The following NSG2 variants were observed in gnomAD, a reference collection of about 807,000 sequenced individuals.
NSG2 encodes neuronal vesicle trafficking associated 2.
A neutral mutation model predicts 16.9 loss-of-function variants in NSG2; 4 were observed. The ratio of observed to expected loss-of-function variants is 0.24; its 90% CI spans 0.12 to 0.54. The LOEUF (loss-of-function observed/expected upper bound fraction) is 0.54. NSG2 is among the 20% of genes least tolerant of loss of function. NSG2 has a pLI of 0.95. For synonymous variants in NSG2, 98 were observed against 88.7 expected (o/e 1.11, Z -0.59); for missense variants, 179 against 221.1 (o/e 0.81, Z 1.21).
intron 3 of NSG2, among the ~76,000 whole-genome samples, chr5:174,084,803 C>G (rs932739696): frequency 6.6e-6 from 1 of 152,202 alleles, no homozygotes; most frequent in Admixed American, 6.5e-5. Context: ...GCAGGCAGAT[C>G]GGCTGAGGGA....
At chr5:174,094,982 T>C (rs1760773397) in intron 3 of NSG2, among the ~76,000 whole-genome samples, 1 of 152,174 alleles carries the variant, frequency 6.6e-6, no homozygotes, top group Non-Finnish European at 1.5e-5. Context: ...GGCTGAGTGC[T>C]AAGTGGTAGA....
chr5:174,107,466 C>T lies in NSG2; in HGVS notation c.477C>T (p.Val159=), dbSNP rs747207528. 14 of 1,612,170 alleles carry T rather than the reference C, an allele frequency of 8.7e-6. No homozygotes were observed. In the Admixed American group the frequency reaches 1.2e-4, roughly 13 times the overall value. The change falls in exon 5 of 5, where the codon GTC becomes GTT. Residue 159 remains valine (V), a synonymous_variant. Transcript: ENST00000303177. This position sits in a 1 kb window ranked among gnomAD's most constrained non-coding sequence, Gnocchi z 4.5. ...GGCCGTGGCTGTCAGCAGCCGCTGT[C>T]ATCCATGAGCCCAAGCCGCCCAAGA... ...AIGPWLSAAA[V]IHEPKPPKTQ... is the part of the protein sequence containing the mutation.
chr5:174,071,464 C>T (rs868434532), intron 3 of NSG2, among the ~76,000 whole-genome samples: 9 of 152,208 alleles, frequency 5.9e-5, no homozygotes, highest in South Asian at 2.1e-4. Context: ...TCCAGCCTGA[C>T]GACAGAGCAA....
At chr5:174,070,421 C>T (rs1214201024) in intron 3 of NSG2, among the ~76,000 whole-genome samples, 1 of 152,176 alleles carries the variant, frequency 6.6e-6, no homozygotes, top group Non-Finnish European at 1.5e-5. Context: ...AGCTTCATGG[C>T]TCCATATCCC....
intron 3 of NSG2, among the ~76,000 whole-genome samples, chr5:174,098,436 T>C (rs1335224745): frequency 2.4e-5 from 3 of 125,546 alleles, no homozygotes; most frequent in Non-Finnish European, 4.7e-5. Flanking sequence ...ACCTCAGCGT[T>C]CTCTCCTTGT....
chr5:174,088,852 T>C (rs1006854004), intron 3 of NSG2, among the ~76,000 whole-genome samples: 1 of 152,184 alleles, frequency 6.6e-6, no homozygotes, highest in Non-Finnish European at 1.5e-5. Flanking sequence ...TGTTTCTGGC[T>C]TCAGGACAAA....
chr5:174,049,758 C>G (rs1352114620), intron 2 of NSG2, among the ~76,000 whole-genome samples: 1 of 152,188 alleles, frequency 6.6e-6, no homozygotes, highest in African/African-American at 2.4e-5. Context: ...TCTCTTAGGT[C>G]TGTGTTCTCT....
chr5:174,101,565 G>T (rs143860554), intron 3 of NSG2, among the ~76,000 whole-genome samples: 2 of 152,208 alleles, frequency 1.3e-5, no homozygotes, highest in African/African-American at 4.8e-5. Flanking sequence ...GGCCATTGGC[G>T]TCTGGGTTCT....
intron 2 of NSG2, among the ~76,000 whole-genome samples, chr5:174,052,767 G>A (rs1759910937): frequency 6.6e-6 from 1 of 152,130 alleles, no homozygotes; most frequent in Admixed American, 6.5e-5. Flanking sequence ...GTCCTAGGGT[G>A]CATCAAAGGA....
chr5:174,074,039 G>A (rs1475918817), intron 3 of NSG2, among the ~76,000 whole-genome samples: 1 of 152,008 alleles, frequency 6.6e-6, no homozygotes, highest in Non-Finnish European at 1.5e-5. Context: ...TGGTGGGAGT[G>A]TTTACACCAT....
chr5:174,103,216 C>A (rs1166870537), intron 3 of NSG2, among the ~76,000 whole-genome samples: 1 of 151,938 alleles, frequency 6.6e-6, no homozygotes, highest in African/African-American at 2.4e-5. Flanking sequence ...ATGATGGCTT[C>A]CACCCGGTTG....
intron 3 of NSG2, among the ~76,000 whole-genome samples, chr5:174,067,802 G>A (rs1008347258): frequency 3.9e-5 from 6 of 152,144 alleles, no homozygotes; most frequent in Admixed American, 6.5e-5. Flanking sequence ...CCAGGGAGGG[G>A]CTGTTATGGA....
chr5:174,102,751 TTTTTTTATTTATTTA>T (rs1189922228), intron 3 of NSG2, among the ~76,000 whole-genome samples: 2 of 81,868 alleles, frequency 2.4e-5, no homozygotes, highest in East Asian at 4.6e-4. Context: ...CATGCTTTGT[TTTTTTTATTTATTTA>T]TTTATTTATT....
rs1471090048 is a variant in NSG2 at position 174,108,340 on chromosome 5, A to AG, written c.*837dup. On this transcript the variant is annotated 3_prime_UTR_variant, in exon 5 of 5. Transcript: ENST00000303177. ...ACAGCAGCAGGGGGAGAGGGAGGGAAGGAAGGTGCGGCTGCAAGAAGGAAG... is the reference window on the plus strand; with the variant it reads ...ACAGCAGCAGGGGGAGAGGGAGGGAAGGGAAGGTGCGGCTGCAAGAAGGAAG... The AG allele has an allele frequency of 1.3e-5, 2 of 156,252 alleles. No homozygotes were observed. Among genetic ancestry groups the AG allele is most frequent in the African/African-American group, 4.8e-5 (2 of 41,570 alleles). 9.7% of individuals were successfully genotyped at this position (156,252 alleles called of 1,614,324 possible). A position where few individuals can be genotyped will look rare whatever the true frequency, so the allele number is the denominator to read the frequency against.
chr5:174,059,390 A>G (rs775863335), intron 2 of NSG2, among the ~76,000 whole-genome samples: 10 of 152,200 alleles, frequency 6.6e-5, no homozygotes, highest in Admixed American at 1.3e-4. Flanking sequence ...CAAAGCTGCT[A>G]TGAATGTTCT....
At chr5:174,095,668 T>C (rs958389753) in intron 3 of NSG2, among the ~76,000 whole-genome samples, 1 of 152,152 alleles carries the variant, frequency 6.6e-6, no homozygotes, top group Non-Finnish European at 1.5e-5. Context: ...GTTCTGGAGA[T>C]TTGGATGTGG....
intron 3 of NSG2, among the ~76,000 whole-genome samples, chr5:174,068,628 T>A (rs1265027439): frequency 6.6e-6 from 1 of 151,412 alleles, no homozygotes; most frequent in African/African-American, 2.4e-5. Context: ...GTGATCCTGG[T>A]GCTATGGAAG....
intron 3 of NSG2, among the ~76,000 whole-genome samples, chr5:174,085,566 A>C (rs578110940): frequency 1.1e-4 from 16 of 152,376 alleles, no homozygotes; most frequent in Admixed American, 8.5e-4. Flanking sequence ...CACTGCTCCA[A>C]GCCCATTTGC....
At chr5:174,055,302 G>A (rs1759951191) in intron 2 of NSG2, among the ~76,000 whole-genome samples, 1 of 152,192 alleles carries the variant, frequency 6.6e-6, no homozygotes, top group South Asian at 2.1e-4. Flanking sequence ...TGCCATAGAA[G>A]TGGGGAGTTG....
Sources: allele counts gnomAD v4.1 joint callset (sites outside exome capture counted in the v4.1 genomes callset), GRCh38; gene constraint gnomAD v4.1.1; non-coding constraint Gnocchi (gnomAD v3.1); transcripts MANE v1.5; gene names NCBI Gene and HGNC (gene_info 2026-07-23, HGNC 2026-07-21).